The following KLHL5 variants were observed in gnomAD, a reference collection of about 807,000 sequenced individuals.
The protein encoded by KLHL5 is kelch-like protein 5.
KLHL5 carries 48 observed loss-of-function variants against 77.7 expected under a neutral mutation model. That is an observed-to-expected ratio of 0.62 (90% confidence interval 0.49 to 0.79). KLHL5 has a LOEUF of 0.79. Among genes scored for constraint, KLHL5 ranks in the 30% least tolerant of loss-of-function variants. KLHL5 has a pLI of 0.00. For synonymous variants in KLHL5, 260 were observed against 297.0 expected, an observed-to-expected ratio of 0.88 and a Z score of 1.28; for missense variants, 723 against 859.7, an observed-to-expected ratio of 0.84 and a Z score of 1.99.
intron 8 of KLHL5, among the ~76,000 whole-genome samples, chr4:39,112,081 A>G (rs1054609625): frequency 1.3e-5 from 2 of 152,160 alleles, no homozygotes; most frequent in African/African-American, 2.4e-5. Flanking sequence ...AGTAGAAAAA[A>G]TATTTATGGA....
intron 10 of KLHL5, among the ~76,000 whole-genome samples, chr4:39,118,513 T>G (rs1013960428): frequency 6.6e-6 from 1 of 152,140 alleles, no homozygotes; most frequent in Non-Finnish European, 1.5e-5. Context: ...CCCAGGACTT[T>G]GGGAGGCCAA....
intron 9 of KLHL5, 49 bp downstream of exon 9, chr4:39,113,281 C>A (rs757344716): frequency 8.5e-6 from 12 of 1,403,792 alleles, no homozygotes; most frequent in Middle Eastern, 1.9e-4. Flanking sequence ...ATATATAAGT[C>A]TCTGATACTT....
chr4:39,109,856 G>T (rs1469581716), intron 8 of KLHL5, among the ~76,000 whole-genome samples: 1 of 149,166 alleles, frequency 6.7e-6, no homozygotes, highest in Non-Finnish European at 1.5e-5. Flanking sequence ...GATAATTTTT[G>T]TATTCTTAAT....
chr4:39,141,103 G>A, the KLHL5 span, among the ~76,000 whole-genome samples: 80 of 151,936 alleles, frequency 5.3e-4, no homozygotes, highest in African/African-American at 1.8e-3. Flanking sequence ...AAGGAGACAG[G>A]GTCAAAGGAA....
intron 5 of KLHL5, among the ~76,000 whole-genome samples, chr4:39,094,738 A>G (rs1173077311): frequency 6.6e-6 from 1 of 152,056 alleles, no homozygotes; most frequent in African/African-American, 2.4e-5. Context: ...TATGGCCAAG[A>G]TTCAATTCAG....
intron 1 of KLHL5, among the ~76,000 whole-genome samples, chr4:39,052,415 T>C (rs2711958): frequency 0.73 from 110,904 of 151,970 alleles, 40,614 homozygotes; most frequent in East Asian, 0.82. Flanking sequence ...CCACCACACC[T>C]GGCCCATTTA....
intron 1 of KLHL5, 115 bp from the exon 2 acceptor site, chr4:39,075,850 G>T: frequency 1.3e-6 from 1 of 764,420 alleles, no homozygotes; most frequent in East Asian, 2.6e-5. Flanking sequence ...CATTAATATT[G>T]ATAGGTAGCA....
At chr4:39,127,992 C>A (rs1324771928), downstream of KLHL5, among the ~76,000 whole-genome samples, 2 of 152,140 alleles carry the variant, frequency 1.3e-5, no homozygotes, top group African/African-American at 4.8e-5. Flanking sequence ...GACGGACTGG[C>A]AGAGTGAGTT....
chr4:39,107,611 A>T lies in KLHL5; in HGVS notation c.1568A>T (p.His523Leu). ...GGTCCCATGTATGCCGTAGGAGGAC[A>T]TGATGGCTGGAGCTATCTGAACACA... ...LEGPMYAVGG[H>L]DGWSYLNTVE... The change falls in exon 8 of 11, where the codon CAT becomes CTT. Residue 523 changes from histidine to leucine, a missense_variant. Around this residue, in one of 3 missense-constraint regions of KLHL5, gnomAD observed 214 missense variants for 237.4 expected, o/e 0.90. Transcript: ENST00000504108. 6.2e-7 allele frequency: 1 copy of T among 1,612,626 alleles called. No homozygotes were observed. Among genetic ancestry groups the T allele is most frequent in the Non-Finnish European group, 8.5e-7 (1 of 1,178,930 alleles).
upstream of KLHL5, among the ~76,000 whole-genome samples, chr4:39,059,971 T>C (rs61240470): frequency 0.028 from 4,318 of 152,180 alleles, 178 homozygotes; most frequent in African/African-American, 0.097. Flanking sequence ...TCTGTAGATA[T>C]AAAAGCCTCA....
intron 2 of KLHL5, among the ~76,000 whole-genome samples, chr4:39,079,033 C>T (rs1719362033): frequency 6.6e-6 from 1 of 152,184 alleles, no homozygotes; most frequent in Non-Finnish European, 1.5e-5. Flanking sequence ...GACAGAAAGT[C>T]CAGGTTATGA....
At chr4:39,068,963 G>A (rs1718153689) in intron 1 of KLHL5, among the ~76,000 whole-genome samples, 1 of 152,202 alleles carries the variant, frequency 6.6e-6, no homozygotes, top group Admixed American at 6.5e-5. Context: ...TTAGATGGAA[G>A]TTTGTTTTTC....
intron 7 of KLHL5, among the ~76,000 whole-genome samples, chr4:39,107,367 C>G (rs892304141): frequency 5.3e-5 from 8 of 151,900 alleles, no homozygotes; most frequent in Non-Finnish European, 4.4e-5. Context: ...AACTTTTAAA[C>G]CAGAACTACC....
downstream of KLHL5, among the ~76,000 whole-genome samples, chr4:39,131,634 T>C (rs975507511): frequency 1.3e-5 from 2 of 152,236 alleles, no homozygotes; most frequent in African/African-American, 4.8e-5. Context: ...TTCATGCCTG[T>C]AATCCTAGCA....
intron 6 of KLHL5, among the ~76,000 whole-genome samples, chr4:39,102,606 A>G (rs1053954377): frequency 1.3e-5 from 2 of 151,994 alleles, no homozygotes; most frequent in Non-Finnish European, 2.9e-5. Flanking sequence ...ATGGTTCATT[A>G]TGTTCGTTAT....
intron 1 of KLHL5, among the ~76,000 whole-genome samples, chr4:39,047,920 T>C (rs1396527968): frequency 6.6e-6 from 1 of 152,250 alleles, no homozygotes; most frequent in Non-Finnish European, 1.5e-5. Flanking sequence ...GTCACTGCTG[T>C]ATGTGCAGGG....
At chr4:39,142,255 C>T in the KLHL5 span, among the ~76,000 whole-genome samples, 7 of 151,948 alleles carry the variant, frequency 4.6e-5, no homozygotes, top group South Asian at 4.2e-4. Flanking sequence ...ATTAGCTGGG[C>T]GTGGTGGCGG....
upstream of KLHL5, among the ~76,000 whole-genome samples, chr4:39,059,408 A>G (rs1717220446): frequency 6.6e-6 from 1 of 152,132 alleles, no homozygotes; most frequent in South Asian, 2.1e-4. Flanking sequence ...GTAAAGGAAA[A>G]CCAAATGGGA....
At chr4:39,091,310 G>A (rs888814436) in intron 5 of KLHL5, among the ~76,000 whole-genome samples, 1 of 151,826 alleles carries the variant, frequency 6.6e-6, no homozygotes, top group African/African-American at 2.4e-5. Flanking sequence ...TTTTTTTGTG[G>A]AGAAAGGGTC....
Sources: allele counts gnomAD v4.1 joint callset (sites outside exome capture counted in the v4.1 genomes callset), GRCh38; gene constraint gnomAD v4.1.1; regional missense constraint gnomAD v4.1.1; transcripts MANE v1.5; gene names NCBI Gene and HGNC (gene_info 2026-07-23, HGNC 2026-07-21).